The following CTTN variants were observed in gnomAD, a reference collection of about 807,000 sequenced individuals.
CTTN encodes src substrate cortactin.
In CTTN, 28 loss-of-function variants were observed where a neutral mutation model predicts 84.0. That is an observed-to-expected ratio of 0.33 (90% confidence interval 0.25 to 0.46). The LOEUF is 0.46. Among genes scored for constraint, CTTN ranks in the 20% least tolerant of loss-of-function variants. CTTN has a pLI of 1.00. For missense variants in CTTN, 641 were observed against 723.8 expected (o/e 0.89, Z 1.31); for synonymous variants, 301 against 288.8 (o/e 1.04, Z -0.43).
intron 15 of CTTN, among the ~76,000 whole-genome samples, chr11:70,432,685 G>A (rs1258199059): frequency 2.0e-5 from 3 of 152,242 alleles, no homozygotes; most frequent in Non-Finnish European, 2.9e-5. Context: ...GGCCAGGGTC[G>A]AGCAGCACAG....
chr11:70,401,094 G>C (rs576867070), intron 1 of CTTN, among the ~76,000 whole-genome samples: 32 of 152,268 alleles, frequency 2.1e-4, no homozygotes, highest in African/African-American at 7.5e-4. Flanking sequence ...AGCACTTTGG[G>C]AGGCTAAGGG....
rs962542188 is a variant in CTTN at position 70,422,497 on chromosome 11, T to TC, written c.902-442dup. ...AGAATTTCCACATGGATTTTTTTTTTCTCTTAAAAAGCAAGAGAACAAACT... is the reference window on the plus strand; with the variant it reads ...AGAATTTCCACATGGATTTTTTTTTTCCTCTTAAAAAGCAAGAGAACAAACT... On this transcript the variant is annotated intron_variant, in intron 11 of 17. Transcript: ENST00000301843. The TC allele has an allele frequency of 1.2e-5, 16 of 1,289,352 alleles. No individual in the cohort carries two copies. In the Admixed American group the frequency reaches 2.3e-4, roughly 19 times the overall value. 79.9% of individuals were successfully genotyped at this position (1,289,352 alleles called of 1,614,324 possible). A position where few individuals can be genotyped will look rare whatever the true frequency, so the allele number is the denominator to read the frequency against.
In CTTN at chr11:70,435,957, G is replaced by A. The variant is rs1565503511; in HGVS notation, c.*795G>A. On this transcript the variant is annotated 3_prime_UTR_variant, in exon 18 of 18. Transcript: ENST00000301843. ...GCAGTTGAGGTCTGCGTCGGGCTTG[G>A]CTTTTCACAAAGGCTGATGTCTTAA... The A allele has an allele frequency of 7.0e-7, 1 of 1,433,752 alleles. No individual in the cohort carries two copies. The highest frequency in any genetic ancestry group is 9.1e-7 in the Non-Finnish European group (1 of 1,101,364). 88.8% of individuals were successfully genotyped at this position (1,433,752 alleles called of 1,614,324 possible).
At position 70,400,924 on chromosome 11, in the gene CTTN, C is replaced by T. The variant is rs948478718; in HGVS notation, c.-98+2310C>T. Among the ~76,000 whole-genome samples the T allele has an allele frequency of 5.3e-5, 8 of 152,278 alleles. No individual in the cohort carries two copies. The East Asian group carries it at 1.5e-3, about 29-fold the overall frequency. ...GAGTAAGTGTGGTGTAGGGAGTGTG[C>T]CTGTGATGGTGATTTTGGCTACGCA... is the stretch of plus-strand genomic sequence containing the variant. On this transcript the variant is annotated intron_variant, in intron 1 of 17. Coordinates refer to ENST00000301843, the MANE Select transcript of CTTN (RefSeq NM_005231.4).
intron 14 of CTTN, among the ~76,000 whole-genome samples, chr11:70,429,551 C>T (rs746720235): frequency 3.9e-5 from 6 of 152,152 alleles, no homozygotes; most frequent in South Asian, 2.1e-4. Flanking sequence ...AGTCTCTTCT[C>T]ACCCCTCCCC....
intron 4 of CTTN, 109 bp downstream of exon 4, chr11:70,407,700 T>G (rs2058058739): frequency 1.1e-6 from 1 of 942,880 alleles, no homozygotes; most frequent in Admixed American, 2.3e-5. Flanking sequence ...GAAACTGCAT[T>G]TATCTTCTTG....
chr11:70,425,913 A>C (rs1254465124), intron 13 of CTTN, among the ~76,000 whole-genome samples: 4 of 152,196 alleles, frequency 2.6e-5, no homozygotes, highest in Non-Finnish European at 4.4e-5. Context: ...CGGAGAGTCA[A>C]GTAGTTGGGG....
rs1565494332 is a variant in CTTN, at chr11:70,419,863, TC to T, written c.679+9del. ...AAGCACGAGTCCCAGAAAGGTGTCT[TC>T]CGTTTTATCTTACCCTCCAGCCAGC... On this transcript the variant is annotated splice_region_variant and intron_variant, in intron 9 of 17. Transcript: ENST00000301843. 2 of 1,605,066 alleles carry T rather than the reference TC, an allele frequency of 1.2e-6. No individual in the cohort carries two copies. The highest frequency in any genetic ancestry group is 1.7e-5 in the Admixed American group (1 of 59,214).
rs878947388 is a variant in CTTN, at chr11:70,417,072, G to A, written c.517G>A (p.Ala173Thr). The change falls in exon 8 of 18, where the codon GCG becomes ACG. Residue 173 changes from alanine (A) to threonine (T), a missense_variant. Physicochemically the swap from Ala to Thr is moderately conservative, Grantham distance 58. Coordinates refer to ENST00000301843, the MANE Select transcript of CTTN (RefSeq NM_005231.4). ...GVQADRVDKS[A>T]VGFDYQGKTE... Reference sequence around the variant, plus strand: ...GCAGGCCGACCGAGTAGACAAGAGCGCGGTGGGCTTCGACTACCAGGGCAA... The same window carrying A: ...GCAGGCCGACCGAGTAGACAAGAGCACGGTGGGCTTCGACTACCAGGGCAA... 7 of 1,614,100 alleles carry A rather than the reference G, an allele frequency of 4.3e-6. No individual in the cohort carries two copies. Among genetic ancestry groups the A allele is most frequent in the Non-Finnish European group, 5.1e-6 (6 of 1,180,050 alleles).
intron 7 of CTTN, chr11:70,416,316 C>G (rs2058159842): frequency 6.5e-6 from 1 of 153,360 alleles, no homozygotes. Context: ...TCGGTGCAGT[C>G]TAGGTGGAGG....
chr11:70,401,901 A>G (rs1318901658), intron 1 of CTTN, among the ~76,000 whole-genome samples: 1 of 152,176 alleles, frequency 6.6e-6, no homozygotes, highest in African/African-American at 2.4e-5. Context: ...CTGTAATCCC[A>G]GCACTTTGAG....
chr11:70,423,931 TG>T (rs2058272320), intron 12 of CTTN, among the ~76,000 whole-genome samples: 1 of 151,850 alleles, frequency 6.6e-6, no homozygotes, highest in Admixed American at 6.6e-5. Flanking sequence ...CAGAGGGGTG[TG>T]GTCCTGAAGA....
At position 70,400,023 on chromosome 11, in the gene CTTN, G is replaced by A. The variant is rs1436830207; in HGVS notation, c.-98+1409G>A. Among the ~76,000 whole-genome samples, 3 of 152,236 alleles carry A rather than the reference G, an allele frequency of 2.0e-5. No individual in the cohort carries two copies. In the South Asian group the frequency reaches 6.2e-4, roughly 32 times the overall value. Reference sequence around the variant, plus strand: ...ACTGAGTCAGTCCTGTTTCTCCTCTGGTTAGAGAAGTATTCGCCAGATACT... The same window carrying A: ...ACTGAGTCAGTCCTGTTTCTCCTCTAGTTAGAGAAGTATTCGCCAGATACT... On this transcript the variant is annotated intron_variant, in intron 1 of 17. Transcript: ENST00000301843.
chr11:70,420,053 G>T (rs562087478), intron 9 of CTTN, 197 bp downstream of exon 9: 1 of 609,200 alleles, frequency 1.6e-6, no homozygotes, highest in Non-Finnish European at 2.9e-6. Context: ...GTGTTATGGC[G>T]CTCCAGCCCC....
At position 70,417,038 on chromosome 11, in the gene CTTN, G is replaced by A. The variant is rs769190568; in HGVS notation, c.483G>A (p.Lys161=). 5 of 1,614,248 alleles carry A rather than the reference G, an allele frequency of 3.1e-6. No homozygotes were observed. Among genetic ancestry groups the A allele is most frequent in the South Asian group, 2.2e-5 (2 of 91,080 alleles). Residue 161 remains lysine, a synonymous_variant, in exon 8 of 18, where the codon AAG becomes AAA. Transcript: ENST00000301843. ...QKDYSSGFGG[K]YGVQADRVDK... ...ACTACTCCAGTGGTTTTGGCGGCAAGTATGGCGTGCAGGCCGACCGAGTAG... is the reference window on the plus strand; with the variant it reads ...ACTACTCCAGTGGTTTTGGCGGCAAATATGGCGTGCAGGCCGACCGAGTAG...
chr11:70,398,858 G>A (rs1471300143), intron 1 of CTTN, among the ~76,000 whole-genome samples: 3 of 151,958 alleles, frequency 2.0e-5, no homozygotes, highest in African/African-American at 7.2e-5. Context: ...CCGGGCAGGG[G>A]GCAAGGGGGC....
intron 11 of CTTN, 59 bp from the exon 12 acceptor site, chr11:70,422,881 C>A: frequency 6.2e-7 from 1 of 1,612,332 alleles, no homozygotes; most frequent in Non-Finnish European, 8.5e-7. Context: ...CATGCACCCA[C>A]GGCCACCCCC....
At chr11:70,399,850 CG>C (rs1007923422) in intron 1 of CTTN, among the ~76,000 whole-genome samples, 9 of 152,228 alleles carry the variant, frequency 5.9e-5, no homozygotes, top group African/African-American at 2.2e-4. Context: ...CAGGCTCTGT[CG>C]GGGGGACTTC....
At chr11:70,407,698 A>G in intron 4 of CTTN, 107 bp downstream of exon 4, 1 of 964,266 alleles carries the variant, frequency 1.0e-6, no homozygotes, top group Non-Finnish European at 1.6e-6. Context: ...TGGAAACTGC[A>G]TTTATCTTCT....
Sources: gnomAD v4.1 joint callset for allele counts (sites outside exome capture counted in the v4.1 genomes callset) on GRCh38, gnomAD v4.1.1 for gene constraint, MANE v1.5 for transcripts, NCBI Gene and HGNC (gene_info 2026-07-23, HGNC 2026-07-21) for gene names.